The following RCOR1 variants were observed in gnomAD, a reference collection of about 807,000 sequenced individuals.
RCOR1 encodes REST corepressor.
RCOR1 carries 12 observed loss-of-function variants against 64.0 expected under a neutral mutation model. The observed-to-expected ratio is 0.19, with a 90% CI of 0.12 to 0.30. The LOEUF (loss-of-function observed/expected upper bound fraction) is 0.30. Among genes scored for constraint, RCOR1 ranks in the 10% least tolerant of loss-of-function variants. RCOR1 has a pLI of 1.00. For synonymous variants in RCOR1, 279 were observed against 227.2 expected (o/e 1.23, Z -2.05); for missense variants, 502 against 621.2 (o/e 0.81, Z 2.04).
intron 2 of RCOR1, among the ~76,000 whole-genome samples, chr14:102,673,316 C>T (rs554362552): frequency 3.3e-5 from 5 of 150,672 alleles, no homozygotes; most frequent in African/African-American, 9.8e-5. Flanking sequence ...TCACATACCA[C>T]GGTTTATCCA....
chr14:102,680,649 T>C (rs1336895442), intron 2 of RCOR1, among the ~76,000 whole-genome samples: 1 of 151,896 alleles, frequency 6.6e-6, no homozygotes, highest in Non-Finnish European at 1.5e-5. Flanking sequence ...CTACTAAAAA[T>C]AAAAAATTAG....
intron 3 of RCOR1, among the ~76,000 whole-genome samples, chr14:102,691,210 C>T (rs1479772727): frequency 2.0e-5 from 3 of 152,086 alleles, no homozygotes; most frequent in Non-Finnish European, 4.4e-5. Flanking sequence ...GAGAAGTGTG[C>T]TTAAACAAAT....
At chr14:102,609,910 C>G (rs1231386605) in intron 2 of RCOR1, among the ~76,000 whole-genome samples, 3 of 151,988 alleles carry the variant, frequency 2.0e-5, no homozygotes, top group Admixed American at 2.0e-4. Flanking sequence ...GAGGCCGAGG[C>G]AGGCAGATCA....
At position 102,722,176 on chromosome 14, in the gene RCOR1, TAC is replaced by T; in HGVS notation, c.1190-9_1190-8del. 6.2e-7 allele frequency: 1 copy of T among 1,605,510 alleles called. No homozygotes were observed. The highest frequency in any genetic ancestry group is 2.2e-5 in the East Asian group (1 of 44,848). ...TCTTGTATTTTAAAAAATGCTTTCT[TAC>T]ATCCTTAGCCATCAGGAAATATGGC... On this transcript the variant is annotated splice_polypyrimidine_tract_variant and intron_variant, in intron 10 of 11. Transcript: ENST00000262241.
intron 2 of RCOR1, among the ~76,000 whole-genome samples, chr14:102,673,567 C>T (rs1396146141): frequency 1.3e-5 from 2 of 151,966 alleles, no homozygotes; most frequent in African/African-American, 4.8e-5. Context: ...GATCTCCTGA[C>T]CTTGTGATCC....
intron 3 of RCOR1, among the ~76,000 whole-genome samples, chr14:102,687,575 T>G (rs181096909): frequency 2.6e-4 from 39 of 152,296 alleles, no homozygotes; most frequent in African/African-American, 8.9e-4. Flanking sequence ...TAACATAGAT[T>G]AGAACAATGA....
chr14:102,596,526 C>T lies in RCOR1; in HGVS notation c.361+3201C>T, dbSNP rs764034375. 4.6e-5 allele frequency among the ~76,000 whole-genome samples: 7 copies of T among 152,048 alleles called. 1 individual carries two copies. The highest frequency in any genetic ancestry group is 2.6e-4 in the Admixed American group (4 of 15,258). On this transcript the variant is annotated intron_variant, in intron 2 of 11. Coordinates refer to ENST00000262241, the MANE Select transcript of RCOR1 (RefSeq NM_015156.4). ...TAAATTAAGAATTGAGAGTTTGATC[C>T]TTACTAGTTTTTATTTCCTCCTCCT...
chr14:102,593,393 G>A, intron 2 of RCOR1, 68 bp downstream of exon 2: 1 of 1,420,424 alleles, frequency 7.0e-7, no homozygotes, highest in Non-Finnish European at 9.2e-7. Flanking sequence ...GCGAGCCCGA[G>A]GGGGCGGGAG....
chr14:102,669,959 T>C (rs74245769), intron 2 of RCOR1, among the ~76,000 whole-genome samples: 1 of 152,176 alleles, frequency 6.6e-6, no homozygotes, highest in African/African-American at 2.4e-5. Flanking sequence ...ATAAGAATTA[T>C]AAGAATTTAG....
chr14:102,640,912 A>G (rs1894355281), intron 2 of RCOR1, among the ~76,000 whole-genome samples: 1 of 152,110 alleles, frequency 6.6e-6, no homozygotes. Context: ...GTGAACTGCC[A>G]TTGCACTCCA....
In RCOR1 at chr14:102,656,990, G is replaced by A. The variant is rs544361621; in HGVS notation, c.362-24905G>A. The A allele has an allele frequency of 4.7e-5, 26 of 553,920 alleles. No homozygotes were observed. The South Asian group carries it at 1.9e-3, about 41-fold the overall frequency. 34.3% of individuals were successfully genotyped at this position (553,920 alleles called of 1,614,324 possible). On this transcript the variant is annotated intron_variant, in intron 2 of 11. Coordinates refer to ENST00000262241, the MANE Select transcript of RCOR1 (RefSeq NM_015156.4). Reference sequence around the variant, plus strand: ...GGGTTTCACCATGTTGGCCAGGATGGTCGCGAACTCCTGACCTCATGTGAT... The same window carrying A: ...GGGTTTCACCATGTTGGCCAGGATGATCGCGAACTCCTGACCTCATGTGAT...
chr14:102,659,051 G>A, intron 2 of RCOR1: 1 of 852,212 alleles, frequency 1.2e-6, no homozygotes, highest in Non-Finnish European at 1.4e-6. Flanking sequence ...GAGGGGAGTG[G>A]GGAATATTTA....
chr14:102,602,394 C>CTTTTTTTTTTTTTTTTTTTTT (rs66743592), intron 2 of RCOR1, among the ~76,000 whole-genome samples: 1 of 104,242 alleles, frequency 9.6e-6, no homozygotes, highest in Non-Finnish European at 1.9e-5. Context: ...CTTTTCTTTT[C>CTTTTTTTTTTTTTTTTTTTTT]TTTTTTTTTT....
intron 9 of RCOR1, 68 bp from the exon 10 acceptor site, chr14:102,721,252 C>A: frequency 7.2e-7 from 1 of 1,389,078 alleles, no homozygotes; most frequent in Non-Finnish European, 1.0e-6. Context: ...ATGAAAGGTT[C>A]GTTAAGCTCA....
At chr14:102,687,964 CTT>C (rs10712788) in intron 3 of RCOR1, among the ~76,000 whole-genome samples, 3,948 of 135,552 alleles carry the variant, frequency 0.029, 159 homozygotes, top group African/African-American at 0.1. Flanking sequence ...ATAGCATTTC[CTT>C]TTTTTTTTTT....
At chr14:102,610,086 C>T (rs1258461502) in intron 2 of RCOR1, among the ~76,000 whole-genome samples, 5 of 151,206 alleles carry the variant, frequency 3.3e-5, no homozygotes, top group Non-Finnish European at 7.4e-5. Flanking sequence ...GCCGAGATTG[C>T]GCCATTGCGC....
intron 2 of RCOR1, among the ~76,000 whole-genome samples, chr14:102,626,829 G>T (rs1893992184): frequency 6.6e-6 from 1 of 152,150 alleles, no homozygotes; most frequent in Non-Finnish European, 1.5e-5. Context: ...CAGCAGGCAG[G>T]ACCGAGTGGA....
Position 102,714,471 on chromosome 14 carries a change from A to G in RCOR1, c.907A>G (p.Thr303Ala), listed in dbSNP as rs1896025038. The G allele has an allele frequency of 6.2e-7, 1 of 1,613,780 alleles. No individual in the cohort carries two copies. The highest frequency in any genetic ancestry group is 8.5e-7 in the Non-Finnish European group (1 of 1,179,758). ...TCAGGTCAAAAAAGAAAAACATAGC[A>G]CACAAGCTAAAAATAGAGCAAAAAG... is the stretch of plus-strand genomic sequence containing the variant. ...VPQVKKEKHS[T>A]QAKNRAKRKP... Residue 303 changes from threonine (T) to alanine (A), a missense_variant, in exon 8 of 12, where the codon ACA becomes GCA. Thr to Ala is a moderately conservative substitution (Grantham distance 58, BLOSUM62 0). Transcript: ENST00000262241.
intron 2 of RCOR1, chr14:102,655,907 C>T (rs1283448224): frequency 1.0e-5 from 9 of 857,770 alleles, no homozygotes; most frequent in Non-Finnish European, 4.2e-6. Flanking sequence ...CAGTCGAGAT[C>T]GCGCCACTGC....
Sources: allele counts gnomAD v4.1 joint callset (sites outside exome capture counted in the v4.1 genomes callset), GRCh38; gene constraint gnomAD v4.1.1; transcripts MANE v1.5; gene names NCBI Gene and HGNC (gene_info 2026-07-23, HGNC 2026-07-21).